Variants in MAGI2 observed in about 807,000 individuals in gnomAD.
The protein encoded by MAGI2 is membrane associated guanylate kinase, WW and PDZ domain containing 2.
MAGI2 carries 35 observed loss-of-function variants against 133.3 expected under a neutral mutation model. The ratio of observed to expected loss-of-function variants is 0.26; its 90% CI spans 0.20 to 0.35. The LOEUF (loss-of-function observed/expected upper bound fraction) is 0.35, where lower values mean the gene tolerates loss of function less well. Among genes scored for constraint, MAGI2 ranks in the 10% least tolerant of loss-of-function variants. The pLI, the probability that MAGI2 is intolerant of heterozygous loss-of-function variation, is 1.00. For missense variants in MAGI2, 1,636 were observed against 1,863.4 expected (o/e 0.88, Z 2.25); for synonymous variants, 729 against 710.6 (o/e 1.03, Z -0.41).
rs1821749373 is a variant in MAGI2, at chr7:78,133,166, G to A, written c.3032-106C>T. 4 of 840,970 alleles carry A rather than the reference G, an allele frequency of 4.8e-6. No individual in the cohort carries two copies. The South Asian group carries it at 7.9e-5, about 17-fold the overall frequency. The allele number at this position is 840,970 out of a possible 1,614,324, so 52.1% of individuals were successfully genotyped here. A position where few individuals can be genotyped will look rare whatever the true frequency, so the allele number is the denominator to read the frequency against. The stretch of plus-strand genomic sequence containing the variant: ...GCCTCTGCTGATGGCTCAGGCTTTG[G>A]TTATTTCCGTTTCTGCTAGGTTTTT... On this transcript the variant is annotated intron_variant, in intron 17 of 21. Transcript: ENST00000354212.
At chr7:78,230,217 A>C (rs1290827275) in intron 10 of MAGI2, among the ~76,000 whole-genome samples, 1 of 152,252 alleles carries the variant, frequency 6.6e-6, no homozygotes, top group Non-Finnish European at 1.5e-5. Context: ...AATTGCATTA[A>C]AGTGTTTTCA....
At chr7:78,873,560 A>G (rs1224513622) in intron 2 of MAGI2, among the ~76,000 whole-genome samples, 1 of 152,128 alleles carries the variant, frequency 6.6e-6, no homozygotes, top group Non-Finnish European at 1.5e-5. Flanking sequence ...AGTTGCAGGA[A>G]AACAAGCTCA....
intron 2 of MAGI2, among the ~76,000 whole-genome samples, chr7:78,731,200 A>G (rs1821340337): frequency 6.6e-6 from 1 of 152,170 alleles, no homozygotes; most frequent in Non-Finnish European, 1.5e-5. Flanking sequence ...GAGTGTATTT[A>G]TAGAGAATGA....
intron 1 of MAGI2, among the ~76,000 whole-genome samples, chr7:79,288,337 T>C (rs918851138): frequency 2.6e-5 from 4 of 152,202 alleles, no homozygotes; most frequent in African/African-American, 9.6e-5. Context: ...GTGCCTGGTA[T>C]ATAAGAAGGT....
At chr7:78,517,054 C>T (rs1015702281) in intron 4 of MAGI2, among the ~76,000 whole-genome samples, 3 of 152,000 alleles carry the variant, frequency 2.0e-5, no homozygotes, top group Non-Finnish European at 4.4e-5. Context: ...TAGAAATATA[C>T]CTTAAACACA....
At chr7:78,413,393 G>A (rs1798027857) in intron 6 of MAGI2, among the ~76,000 whole-genome samples, 1 of 152,074 alleles carries the variant, frequency 6.6e-6, no homozygotes, top group Non-Finnish European at 1.5e-5. Flanking sequence ...TTTAGAACAT[G>A]ATGAGAAATG....
intron 2 of MAGI2, among the ~76,000 whole-genome samples, chr7:78,650,985 G>T (rs144682546): frequency 2.6e-5 from 4 of 152,044 alleles, no homozygotes; most frequent in African/African-American, 9.7e-5. Context: ...GATTTGAGGC[G>T]TTCTTGTGAG....
intron 2 of MAGI2, among the ~76,000 whole-genome samples, chr7:78,786,863 AC>A (rs1353119623): frequency 6.6e-6 from 1 of 152,174 alleles, no homozygotes; most frequent in East Asian, 1.9e-4. Flanking sequence ...GCTTCCGCTC[AC>A]TTCTGTATCT....
intron 6 of MAGI2, among the ~76,000 whole-genome samples, chr7:78,470,345 T>C (rs186687852): frequency 2.0e-5 from 3 of 152,280 alleles, no homozygotes; most frequent in African/African-American, 7.2e-5. Context: ...CAGCACTGTT[T>C]AACTTAAAAT....
intron 21 of MAGI2, among the ~76,000 whole-genome samples, chr7:78,064,712 C>T (rs1813637303): frequency 1.3e-5 from 2 of 152,076 alleles, no homozygotes; most frequent in African/African-American, 4.8e-5. Context: ...CATATAAAAT[C>T]CCAGTCCAGT....
At chr7:79,214,416 TATATATATATATATATATATATATATAA>T (rs1176282708) in intron 1 of MAGI2, among the ~76,000 whole-genome samples, 6 of 107,886 alleles carry the variant, frequency 5.6e-5, no homozygotes, top group Admixed American at 5.1e-4. Context: ...TCTATATATA[TATATATATATATATATATATATATATAA>T]ATATGCACAC....
At chr7:79,188,110 A>G (rs1245597610) in intron 1 of MAGI2, among the ~76,000 whole-genome samples, 1 of 151,584 alleles carries the variant, frequency 6.6e-6, no homozygotes, top group East Asian at 1.9e-4. Flanking sequence ...TAAGCATCCA[A>G]TTTTATTTTA....
chr7:79,257,692 G>T lies in MAGI2; in HGVS notation c.301+195328C>A, dbSNP rs903761451. Among the ~76,000 whole-genome samples the T allele has an allele frequency of 3.9e-5, 6 of 152,150 alleles. No individual in the cohort carries two copies. The East Asian group carries it at 1.2e-3, about 29-fold the overall frequency. ...GGATATGGCAAAGTTAAAGTACTGG[G>T]GACTGCTCTAAAACAAATTAGACTT... On this transcript the variant is annotated intron_variant, in intron 1 of 21. Coordinates refer to ENST00000354212, the MANE Select transcript of MAGI2 (RefSeq NM_012301.4).
intron 2 of MAGI2, among the ~76,000 whole-genome samples, chr7:78,821,968 T>C (rs1047119862): frequency 6.6e-6 from 1 of 152,032 alleles, no homozygotes; most frequent in African/African-American, 2.4e-5. Context: ...AATCATCTAG[T>C]TTGACAATCA....
At chr7:78,421,562 C>A (rs968807315) in intron 6 of MAGI2, among the ~76,000 whole-genome samples, 1 of 152,130 alleles carries the variant, frequency 6.6e-6, no homozygotes, top group African/African-American at 2.4e-5. Context: ...GCCTATAATC[C>A]CAGCACTTTG....
Position 78,879,548 on chromosome 7 carries a change from A to G in MAGI2, c.418+127542T>C, listed in dbSNP as rs558208459. Among the ~76,000 whole-genome samples, 29 of 152,054 alleles carry G rather than the reference A, an allele frequency of 1.9e-4. No individual in the cohort carries two copies. In the South Asian group the frequency reaches 5.6e-3, roughly 29 times the overall value. ...AGGAGGGCAAGAGGAAAATAATGAT[A>G]ATAATAATAATAATGGGAAAGAAAA... On this transcript the variant is annotated intron_variant, in intron 2 of 21. Transcript: ENST00000354212.
At chr7:78,761,272 G>C (rs1192379158) in intron 2 of MAGI2, among the ~76,000 whole-genome samples, 1 of 152,150 alleles carries the variant, frequency 6.6e-6, no homozygotes, top group Non-Finnish European at 1.5e-5. Context: ...GACTTGAAGA[G>C]AGAAATGATT....
At chr7:79,046,262 T>C (rs1812173371) in intron 1 of MAGI2, among the ~76,000 whole-genome samples, 1 of 151,978 alleles carries the variant, frequency 6.6e-6, no homozygotes, top group Non-Finnish European at 1.5e-5. Flanking sequence ...TTAAATGAGG[T>C]CATAAGGTGA....
intron 3 of MAGI2, among the ~76,000 whole-genome samples, chr7:78,565,811 A>C (rs1800885903): frequency 6.6e-6 from 1 of 152,174 alleles, no homozygotes; most frequent in Admixed American, 6.5e-5. Flanking sequence ...AAAATGGAAA[A>C]TGACACATTT....
Sources: allele counts gnomAD v4.1 joint callset (sites outside exome capture counted in the v4.1 genomes callset), GRCh38; gene constraint gnomAD v4.1.1; transcripts MANE v1.5; gene names NCBI Gene and HGNC (gene_info 2026-07-23, HGNC 2026-07-21).